Variants in VIPR2 observed in about 807,000 individuals in gnomAD.
VIPR2 encodes vasoactive intestinal polypeptide receptor 2.
A neutral mutation model predicts 58.0 loss-of-function variants in VIPR2; 48 were observed. The observed-to-expected ratio is 0.83, with a 90% CI of 0.66 to 1.05. The LOEUF is 1.05. Among genes scored for constraint, VIPR2 ranks in the 50% least tolerant of loss-of-function variants. The pLI is 0.00. For missense variants in VIPR2, 534 were observed against 558.0 expected (o/e 0.96, Z 0.43); for synonymous variants, 243 against 235.2 (o/e 1.03, Z -0.30).
chr7:159,042,867 A>G (rs1418164742), intron 6 of VIPR2, among the ~76,000 whole-genome samples, 168 bp downstream of exon 6: 1 of 152,164 alleles, frequency 6.6e-6, no homozygotes, highest in African/African-American at 2.4e-5. Flanking sequence ...TCAGCTGCCA[A>G]CTGGGCCTGT....
chr7:159,042,398 T>G (rs1854407160), intron 6 of VIPR2, among the ~76,000 whole-genome samples: 1 of 152,204 alleles, frequency 6.6e-6, no homozygotes, highest in Admixed American at 6.5e-5. Context: ...ACCTGCTATG[T>G]TAAACTGACT....
In VIPR2 at chr7:159,117,470, C is replaced by T. The variant is rs981635414; in HGVS notation, c.152-7551G>A. 7 of 712,094 alleles carry T rather than the reference C, an allele frequency of 9.8e-6. No homozygotes were observed. In the African/African-American group the frequency reaches 1.0e-4, roughly 11 times the overall value. The allele number at this position is 712,094 out of a possible 1,614,324, so 44.1% of individuals were successfully genotyped here. On this transcript the variant is annotated intron_variant, in intron 2 of 12. Transcript: ENST00000262178. ...AGTGCCGCACCACACAAAGGCAATG[C>T]AGGACGTCATCTCAGAGGTGGGGCT...
intron 2 of VIPR2, among the ~76,000 whole-genome samples, chr7:159,116,600 T>A (rs1796245691): frequency 6.6e-6 from 1 of 152,188 alleles, no homozygotes. Flanking sequence ...GTAGACTAAG[T>A]CGTTCAGAAA....
intron 4 of VIPR2, among the ~76,000 whole-genome samples, chr7:159,058,951 T>A (rs1406140871): frequency 2.0e-5 from 3 of 152,238 alleles, no homozygotes; most frequent in Non-Finnish European, 4.4e-5. Context: ...CACTCCTGGA[T>A]GAGCTCAGGT....
intron 2 of VIPR2, 141 bp from the exon 3 acceptor site, chr7:159,110,060 T>C: frequency 1.4e-6 from 1 of 732,832 alleles, no homozygotes; most frequent in South Asian, 1.7e-5. Context: ...AGACTATAGT[T>C]AGCTTGTGGG....
chr7:159,081,906 C>T (rs1320300089), intron 4 of VIPR2, among the ~76,000 whole-genome samples: 6 of 152,208 alleles, frequency 3.9e-5, no homozygotes, highest in East Asian at 1.9e-4. Flanking sequence ...AAATCAAAAC[C>T]GCAATGAGAT....
At chr7:159,141,197 C>T (rs1161612729) in intron 2 of VIPR2, among the ~76,000 whole-genome samples, 1 of 152,232 alleles carries the variant, frequency 6.6e-6, no homozygotes, top group Non-Finnish European at 1.5e-5. Flanking sequence ...TCCTGGGCCG[C>T]ATCAGCATTT....
intron 4 of VIPR2, among the ~76,000 whole-genome samples, chr7:159,086,870 T>G (rs1177048418): frequency 6.6e-6 from 1 of 152,232 alleles, no homozygotes; most frequent in Non-Finnish European, 1.5e-5. Context: ...AAAGTGCATC[T>G]TGGAGGCTGG....
rs143276573 is a variant in VIPR2, at chr7:159,036,801, G to A, written c.699C>T (p.Ala233=). Residue 233 remains alanine (A), a synonymous_variant, in exon 7 of 13, where the codon GCC becomes GCT. Coordinates refer to ENST00000262178, the MANE Select transcript of VIPR2 (RefSeq NM_003382.5). ...GGAAGCACCTTCTAGGGGGGAGCAT[G>A]GCCACCAGGAGGGTGTGGAGGTAGA... is the stretch of plus-strand genomic sequence containing the variant. ...EGLYLHTLLV[A]MLPPRRCFLA... is the part of the protein sequence containing the mutation. The A allele has an allele frequency of 6.8e-6, 11 of 1,613,870 alleles. No individual in the cohort carries two copies. The highest frequency in any genetic ancestry group is 8.5e-6 in the Non-Finnish European group (10 of 1,179,994).
chr7:159,039,132 G>C (rs1585338426), intron 6 of VIPR2, among the ~76,000 whole-genome samples: 1 of 152,322 alleles, frequency 6.6e-6, no homozygotes, highest in East Asian at 1.9e-4. Flanking sequence ...CTTTTGGAAG[G>C]CAATCTAGCA....
intron 4 of VIPR2, among the ~76,000 whole-genome samples, chr7:159,090,426 G>A (rs1857412568): frequency 1.3e-5 from 1 of 75,202 alleles, no homozygotes; most frequent in Non-Finnish European, 2.4e-5. Flanking sequence ...CACGCACAGG[G>A]GCCACCTATT....
In VIPR2 at chr7:159,031,821, A is replaced by AACTT; in HGVS notation, c.1143+3_1143+6dup. The AACTT allele has an allele frequency of 6.2e-7, 1 of 1,613,988 alleles. No homozygotes were observed. Among genetic ancestry groups the AACTT allele is most frequent in the Non-Finnish European group, 8.5e-7 (1 of 1,180,022 alleles). ...TGTGCTTGGTTCCAAGGCGGCCATG[A>AACTT]ACTTACCTCACTGTTCAGGAAACAG... is the stretch of plus-strand genomic sequence containing the variant. On this transcript the variant is annotated splice_region_variant and intron_variant, in intron 12 of 12. Coordinates refer to ENST00000262178, the MANE Select transcript of VIPR2 (RefSeq NM_003382.5). This position sits in a 1 kb window ranked among gnomAD's most constrained non-coding sequence, Gnocchi z 4.0.
chr7:159,075,581 T>C (rs953574407), intron 4 of VIPR2, among the ~76,000 whole-genome samples: 1 of 151,374 alleles, frequency 6.6e-6, no homozygotes, highest in Non-Finnish European at 1.5e-5. Context: ...ACGGACCCAC[T>C]GCATCAGGGA....
At chr7:159,109,782 G>C in intron 3 of VIPR2, 30 bp downstream of exon 3, 4 of 1,596,294 alleles carry the variant, frequency 2.5e-6, no homozygotes, top group Non-Finnish European at 1.7e-6. Context: ...CACCCTGGAG[G>C]AGCTCAGGAA....
At chr7:159,110,766 G>C (rs535956610) in intron 2 of VIPR2, among the ~76,000 whole-genome samples, 24 of 152,238 alleles carry the variant, frequency 1.6e-4, no homozygotes, top group Middle Eastern at 3.4e-3. Context: ...CCAGACCTGT[G>C]CAATAATTGC....
At position 159,031,663 on chromosome 7, in the gene VIPR2, G is replaced by A. The variant is rs1853594322; in HGVS notation, c.1143+165C>T. ...TGGGCCCAGAAGAGTGGGTTTGCCT[G>A]TGTCGTTGTGGGTTCTCTGATGGGG... On this transcript the variant is annotated intron_variant, in intron 12 of 12. Coordinates refer to ENST00000262178, the MANE Select transcript of VIPR2 (RefSeq NM_003382.5). This position sits in a 1 kb window ranked among gnomAD's most constrained non-coding sequence, Gnocchi z 4.0. The A allele has an allele frequency of 1.0e-6, 1 of 985,318 alleles. No individual in the cohort carries two copies. Among genetic ancestry groups the A allele is most frequent in the African/African-American group, 1.7e-5 (1 of 57,238 alleles). The allele number at this position is 985,318 out of a possible 1,614,324, so 61.0% of individuals were successfully genotyped here.
chr7:159,120,069 G>A (rs1036753923), intron 2 of VIPR2, among the ~76,000 whole-genome samples: 8 of 152,184 alleles, frequency 5.3e-5, no homozygotes, highest in Admixed American at 1.3e-4. Flanking sequence ...ATCTCCCAAC[G>A]TGGGCCCCTC....
chr7:159,032,497 C>T (rs1853656811), intron 10 of VIPR2, among the ~76,000 whole-genome samples: 1 of 152,218 alleles, frequency 6.6e-6, no homozygotes, highest in East Asian at 1.9e-4. Context: ...ACCGATCCTG[C>T]TCCCGGACCT....
chr7:159,083,757 G>C (rs1279787987), intron 4 of VIPR2, among the ~76,000 whole-genome samples: 6 of 152,242 alleles, frequency 3.9e-5, no homozygotes, highest in African/African-American at 1.4e-4. Flanking sequence ...AGCAACATTT[G>C]GAAGAGAACC....
Sources: gnomAD v4.1 joint callset for allele counts (sites outside exome capture counted in the v4.1 genomes callset) on GRCh38, gnomAD v4.1.1 for gene constraint, Gnocchi (gnomAD v3.1) non-coding constraint, MANE v1.5 for transcripts, NCBI Gene and HGNC (gene_info 2026-07-23, HGNC 2026-07-21) for gene names.